LRMDA: variants seen among roughly 807,000 people sequenced by gnomAD.
LRMDA encodes the protein leucine-rich melanocyte differentiation-associated protein.
Under a neutral mutation model 29.8 loss-of-function variants are expected in LRMDA, and 18 were observed. The observed-to-expected ratio is 0.60, with a 90% confidence interval of 0.42 to 0.90. The LOEUF (loss-of-function observed/expected upper bound fraction) is 0.90. Ranked by LOEUF, LRMDA falls within the 40% of genes least tolerant of loss-of-function variation. The pLI is 0.00. For missense variants in LRMDA, 273 were observed against 273.9 expected, an observed-to-expected ratio of 1.00 and a Z score of 0.02; for synonymous variants, 125 against 109.4, an observed-to-expected ratio of 1.14 and a Z score of -0.89.
intron 2 of LRMDA, among the ~76,000 whole-genome samples, chr10:75,692,466 CACAT>C (rs1040892294): frequency 6.0e-5 from 9 of 150,240 alleles, no homozygotes; most frequent in Admixed American, 1.3e-4. Flanking sequence ...AGTGTATACA[CACAT>C]ACACATACAC....
At chr10:75,842,223 T>C (rs1490300523) in intron 2 of LRMDA, among the ~76,000 whole-genome samples, 1 of 152,238 alleles carries the variant, frequency 6.6e-6, no homozygotes, top group Non-Finnish European at 1.5e-5. Flanking sequence ...GAAACTGATA[T>C]GAAGTTCAAA....
At chr10:75,810,894 C>G (rs141593935) in intron 2 of LRMDA, among the ~76,000 whole-genome samples, 1 of 152,140 alleles carries the variant, frequency 6.6e-6, no homozygotes, top group Non-Finnish European at 1.5e-5. Context: ...TGCAAACATC[C>G]TGTAAAGAAT....
At chr10:75,448,787 A>C (rs1012034316) in intron 2 of LRMDA, among the ~76,000 whole-genome samples, 1 of 152,224 alleles carries the variant, frequency 6.6e-6, no homozygotes, top group African/African-American at 2.4e-5. Context: ...CTTGCCAATA[A>C]TACCAAGAGA....
At chr10:75,953,099 G>T (rs1446758792) in intron 2 of LRMDA, among the ~76,000 whole-genome samples, 1 of 152,004 alleles carries the variant, frequency 6.6e-6, no homozygotes, top group East Asian at 1.9e-4. Context: ...AAGAGACAGG[G>T]TCTCGTTCTG....
intron 2 of LRMDA, among the ~76,000 whole-genome samples, chr10:75,779,498 C>A (rs945457465): frequency 3.9e-5 from 6 of 152,132 alleles, no homozygotes; most frequent in African/African-American, 1.4e-4. Context: ...GAAATTGAAG[C>A]CAAATAAAAA....
At chr10:75,728,470 G>A (rs1049313277) in intron 2 of LRMDA, among the ~76,000 whole-genome samples, 83 of 139,618 alleles carry the variant, frequency 5.9e-4, no homozygotes, top group African/African-American at 1.7e-3. Flanking sequence ...GTGTGTGTGT[G>A]TATGAAAGGT....
At chr10:76,108,639 T>C (rs1040361296) in intron 5 of LRMDA, among the ~76,000 whole-genome samples, 3 of 152,226 alleles carry the variant, frequency 2.0e-5, no homozygotes, top group Admixed American at 6.5e-5. Context: ...TTTTCTGTTT[T>C]TATTCAATGA....
At chr10:75,473,762 C>T (rs552889459) in intron 2 of LRMDA, among the ~76,000 whole-genome samples, 59 of 152,222 alleles carry the variant, frequency 3.9e-4, no homozygotes, top group African/African-American at 1.3e-3. Context: ...ATGGAAACTG[C>T]TCAGTAAGTG....
At chr10:76,332,032 A>G (rs1049894845) in intron 6 of LRMDA, among the ~76,000 whole-genome samples, 2 of 152,188 alleles carry the variant, frequency 1.3e-5, no homozygotes, top group African/African-American at 4.8e-5. Context: ...CCTTGCTGAA[A>G]TGGTTTAAAA....
chr10:75,974,668 T>C (rs1847038829), intron 2 of LRMDA, among the ~76,000 whole-genome samples: 1 of 152,078 alleles, frequency 6.6e-6, no homozygotes, highest in Non-Finnish European at 1.5e-5. Context: ...AACTGAGTTG[T>C]AGAAAGGTTA....
At chr10:76,184,950 C>T (rs528713003) in intron 5 of LRMDA, among the ~76,000 whole-genome samples, 1 of 152,258 alleles carries the variant, frequency 6.6e-6, no homozygotes, top group African/African-American at 2.4e-5. Flanking sequence ...ACTTTTTAGG[C>T]TTGGCAGCAG....
intron 2 of LRMDA, among the ~76,000 whole-genome samples, chr10:75,607,103 T>C (rs1402483395): frequency 1.3e-5 from 2 of 152,204 alleles, no homozygotes; most frequent in African/African-American, 2.4e-5. Context: ...AAGTCTACAA[T>C]AGAAATTCCC....
intron 5 of LRMDA, among the ~76,000 whole-genome samples, chr10:76,283,447 G>A (rs1045760757): frequency 3.9e-5 from 6 of 152,178 alleles, no homozygotes; most frequent in Admixed American, 2.0e-4. Flanking sequence ...GGACAGATCG[G>A]ATTTCAAGTA....
intron 6 of LRMDA, among the ~76,000 whole-genome samples, chr10:76,550,532 G>T (rs1229192094): frequency 3.3e-5 from 5 of 150,252 alleles, no homozygotes; most frequent in East Asian, 3.9e-4. Context: ...GGTTTTGGGG[G>T]TTATAGCATG....
chr10:75,666,256 G>A (rs1001707079), intron 2 of LRMDA, among the ~76,000 whole-genome samples: 21 of 151,970 alleles, frequency 1.4e-4, no homozygotes, highest in Admixed American at 7.9e-4. Flanking sequence ...ATGACCACAG[G>A]AATTCAGACA....
At chr10:75,634,697 A>G (rs1387601364) in intron 2 of LRMDA, among the ~76,000 whole-genome samples, 1 of 152,242 alleles carries the variant, frequency 6.6e-6, no homozygotes, top group Admixed American at 6.5e-5. Flanking sequence ...TTTTGAGTGA[A>G]CTCATTGCTA....
chr10:75,661,910 C>T (rs1841758249), intron 2 of LRMDA, among the ~76,000 whole-genome samples: 1 of 152,110 alleles, frequency 6.6e-6, no homozygotes, highest in African/African-American at 2.4e-5. Flanking sequence ...GCTTGGGTTT[C>T]ATAAGGCTGT....
At chr10:76,165,700 G>A (rs1850727065) in intron 5 of LRMDA, among the ~76,000 whole-genome samples, 1 of 152,206 alleles carries the variant, frequency 6.6e-6, no homozygotes, top group African/African-American at 2.4e-5. Flanking sequence ...AAGAATGAGT[G>A]AAGGAGGGGA....
At chr10:75,878,622 G>C (rs1211097341) in intron 2 of LRMDA, among the ~76,000 whole-genome samples, 1 of 152,038 alleles carries the variant, frequency 6.6e-6, no homozygotes. Context: ...GGGCCAGAGT[G>C]GTCTTGGAAA....
Sources: gnomAD v4.1 joint callset for allele counts (sites outside exome capture counted in the v4.1 genomes callset) on GRCh38, gnomAD v4.1.1 for gene constraint, MANE v1.5 for transcripts, NCBI Gene and HGNC (gene_info 2026-07-23, HGNC 2026-07-21) for gene names.